The following CLCNKB variants were observed in gnomAD, a reference collection of about 807,000 sequenced individuals.
The protein encoded by CLCNKB is chloride voltage-gated channel Kb, also known as chloride channel protein ClC-Kb.
Under a neutral mutation model 83.8 loss-of-function variants are expected in CLCNKB, and 74 were observed. That is an observed-to-expected ratio of 0.88 (90% CI 0.73 to 1.07). The LOEUF is 1.07. CLCNKB is among the 50% of genes least tolerant of loss of function. The pLI is 0.00. For missense variants in CLCNKB, 798 were observed against 893.6 expected (o/e 0.89, Z 1.36); for synonymous variants, 358 against 356.6 (o/e 1.00, Z -0.04).
intron 15 of CLCNKB, among the ~76,000 whole-genome samples, chr1:16,052,758 C>A (rs1306564157): frequency 6.6e-6 from 1 of 152,168 alleles, no homozygotes; most frequent in Non-Finnish European, 1.5e-5. Flanking sequence ...CTCCCCTCTC[C>A]CCACTCCTGC....
Position 16,053,778 on chromosome 1 carries a change from C to G in CLCNKB, c.1756+6C>G. 6.2e-7 allele frequency: 1 copy of G among 1,613,744 alleles called. No homozygotes were observed. Among genetic ancestry groups the G allele is most frequent in the Non-Finnish European group, 8.5e-7 (1 of 1,179,944 alleles). ...TCCCCTGGTGGAGAGCACAGGTGCC[C>G]AGCCGGAAGGGAGGAGGAAGTCGGG... On this transcript the variant is annotated splice_donor_region_variant and intron_variant, in intron 16 of 19. Transcript: ENST00000375679.
At chr1:16,053,982 T>C (rs2023370880) in intron 16 of CLCNKB, among the ~76,000 whole-genome samples, 2 of 152,072 alleles carry the variant, frequency 1.3e-5, no homozygotes, top group Admixed American at 6.6e-5. Flanking sequence ...TTGACATGTC[T>C]AAAGAGAGTC....
intron 4 of CLCNKB, among the ~76,000 whole-genome samples, 153 bp downstream of exon 4, chr1:16,046,816 G>A (rs1342653713): frequency 1.3e-5 from 2 of 152,242 alleles, no homozygotes; most frequent in Non-Finnish European, 1.5e-5. Flanking sequence ...GCCAGATCTT[G>A]ACTTTTGGGT....
rs368191361 is a variant in CLCNKB at position 16,047,972 on chromosome 1, G to A, written c.426G>A (p.Lys142=). ...GVVLEDYLDI[K]NFGAKVVGLS... Reference sequence around the variant, plus strand: ...TCTTGGAGGACTACCTGGATATCAAGAACTTTGGGGCCAAAGTGGTGGGCC... The same window carrying A: ...TCTTGGAGGACTACCTGGATATCAAAAACTTTGGGGCCAAAGTGGTGGGCC... Residue 142 remains lysine, a synonymous_variant, in exon 5 of 20, where the codon AAG becomes AAA. Transcript: ENST00000375679. 159 of 1,614,028 alleles carry A rather than the reference G, an allele frequency of 9.9e-5. No individual in the cohort carries two copies. The highest frequency in any genetic ancestry group is 1.6e-4 in the Middle Eastern group (1 of 6,080).
intron 14 of CLCNKB, 125 bp from the exon 15 acceptor site, chr1:16,052,073 C>A: frequency 7.8e-7 from 1 of 1,280,864 alleles, no homozygotes; most frequent in Non-Finnish European, 1.1e-6. Flanking sequence ...GGGCACTTCC[C>A]ACAGTGCCCA....
rs1295011210 is a variant in CLCNKB, at chr1:16,044,508, G to A, written c.16G>A (p.Gly6Arg). The A allele has an allele frequency of 1.2e-6, 2 of 1,604,164 alleles. No homozygotes were observed. The highest frequency in any genetic ancestry group is 1.7e-6 in the Non-Finnish European group (2 of 1,176,242). ...CAGGGGCCTGATGGAGGAGTTTGTG[G>A]GGCTGCGTGAAGGCTCCTCAGGGAA... Reference protein sequence around the residue: MEEFVGLREGSSGNPV... With the variant: MEEFVRLREGSSGNPV... The change falls in exon 2 of 20, where the codon GGG becomes AGG. Residue 6 changes from glycine to arginine, a missense_variant. By Grantham distance (125) the Gly-to-Arg change is moderately radical. Coordinates refer to ENST00000375679, the MANE Select transcript of CLCNKB (RefSeq NM_000085.5).
Position 16,044,616 on chromosome 1 carries a change from T to C in CLCNKB, c.100+24T>C, listed in dbSNP as rs577234299. On this transcript the variant is annotated intron_variant, in intron 2 of 19. Transcript: ENST00000375679. ...AGGTGAGAGCCAGGTCCTCTTCCCT[T>C]CCCCCTGGAGGACCACTCAGGACAT... 31 of 1,557,090 alleles carry C rather than the reference T, an allele frequency of 2.0e-5. 2 individuals are homozygous for C. The South Asian group carries it at 2.9e-4, about 15-fold the overall frequency.
In CLCNKB at chr1:16,047,951, G is replaced by T; in HGVS notation, c.405G>T (p.Leu135Phe). Reference protein sequence around the residue: ...EVKTMLAGVVLEDYLDIKNFG... With the variant: ...EVKTMLAGVVFEDYLDIKNFG... ...AGACCATGTTGGCGGGTGTGGTCTT[G>T]GAGGACTACCTGGATATCAAGAACT... is the stretch of plus-strand genomic sequence containing the variant. Residue 135 changes from leucine to phenylalanine, a missense_variant, in exon 5 of 20, where the codon TTG becomes TTT. Transcript: ENST00000375679. 1 of 1,614,084 alleles carries T rather than the reference G, an allele frequency of 6.2e-7. No homozygotes were observed. Among genetic ancestry groups the T allele is most frequent in the Non-Finnish European group, 8.5e-7 (1 of 1,180,016 alleles).
At chr1:16,055,047 A>G (rs1443823230) in intron 16 of CLCNKB, among the ~76,000 whole-genome samples, 1 of 152,182 alleles carries the variant, frequency 6.6e-6, no homozygotes, top group Admixed American at 6.5e-5. Flanking sequence ...TCACACCTTC[A>G]CTGTGCTGCG....
At chr1:16,045,721 A>G in intron 3 of CLCNKB, 35 bp downstream of exon 3, 5 of 1,455,012 alleles carry the variant, frequency 3.4e-6, no homozygotes, top group Non-Finnish European at 4.6e-6. Context: ...CTCTGGGCCA[A>G]GGGATTCTGA....
At chr1:16,051,874 C>A (rs2023307426) in intron 14 of CLCNKB, 54 bp downstream of exon 14, 1 of 1,461,312 alleles carries the variant, frequency 6.8e-7, no homozygotes, top group Non-Finnish European at 9.6e-7. Flanking sequence ...TGGGCTGGAC[C>A]TGGAGAATTG....
chr1:16,044,690 C>G (rs2023046022), intron 2 of CLCNKB, 98 bp downstream of exon 2: 2 of 1,036,094 alleles, frequency 1.9e-6, no homozygotes, highest in South Asian at 2.8e-5. Flanking sequence ...AACCACCCTC[C>G]TCCTGGCATT....
intron 7 of CLCNKB, 138 bp downstream of exon 7, chr1:16,048,720 A>G (rs2023181427): frequency 6.7e-7 from 1 of 1,487,470 alleles, no homozygotes; most frequent in Admixed American, 2.3e-5. Context: ...CCTTGGGCAC[A>G]GCCACCGCCC....
At chr1:16,051,152 C>A in intron 12 of CLCNKB, 104 bp downstream of exon 12, 1 of 1,550,824 alleles carries the variant, frequency 6.4e-7, no homozygotes, top group Non-Finnish European at 8.8e-7. Context: ...GCCTTCCACC[C>A]ACATTTCCTG....
At chr1:16,048,886 G>A (rs1253888287) in intron 7 of CLCNKB, 5 of 1,445,028 alleles carry the variant, frequency 3.5e-6, no homozygotes, top group Non-Finnish European at 4.5e-6. Flanking sequence ...GATCGCAACC[G>A]TCCCCACCCG....
Position 16,055,429 on chromosome 1 carries a change from T to G in CLCNKB, c.1757-6T>G, listed in dbSNP as rs772829989. On this transcript the variant is annotated splice_region_variant and splice_polypyrimidine_tract_variant and intron_variant, in intron 16 of 19. Transcript: ENST00000375679. ...GCCTCCCTCTGGCTGTCTCTCCACT[T>G]GCCAGAGTCCCAGATCCTGGTGGGC... 1 of 1,612,606 alleles carries G rather than the reference T, an allele frequency of 6.2e-7. No individual in the cohort carries two copies. Among genetic ancestry groups the G allele is most frequent in the South Asian group, 1.1e-5 (1 of 91,028 alleles).
In CLCNKB at chr1:16,055,690, A is replaced by T. The variant is rs1018013892; in HGVS notation, c.1861A>T (p.Ile621Phe). 6 of 1,613,904 alleles carry T rather than the reference A, an allele frequency of 3.7e-6. No homozygotes were observed. Among genetic ancestry groups the T allele is most frequent in the Non-Finnish European group, 5.1e-6 (6 of 1,180,034 alleles). ...CCACCCCCAGCAGTGTCTCCAGGAC[A>T]TCTTGGCTGCAGGCTGCCCCACAGA... is the stretch of plus-strand genomic sequence containing the variant. ...APGHQQCLQD[I>F]LAAGCPTEPV... Residue 621 changes from isoleucine (I) to phenylalanine (F), a missense_variant, in exon 18 of 20, where the codon ATC becomes TTC. Transcript: ENST00000375679.
chr1:16,053,808 G>A lies in CLCNKB; in HGVS notation c.1756+36G>A, dbSNP rs556397749. The A allele has an allele frequency of 2.3e-5, 37 of 1,612,846 alleles. No homozygotes were observed. The East Asian group carries it at 7.8e-4, about 34-fold the overall frequency. On this transcript the variant is annotated intron_variant, in intron 16 of 19. Transcript: ENST00000375679. ...GGAAGGGAGGAGGAAGTCGGGGGTA[G>A]GGGATGCCCTCTGCCTCCTTCTTGA...
rs561426728 is a variant in CLCNKB, at chr1:16,056,493, C to T, written c.2001C>T (p.Cys667=). The change falls in exon 19 of 20, where the codon TGC becomes TGT. Residue 667 remains cysteine, a synonymous_variant. Coordinates refer to ENST00000375679, the MANE Select transcript of CLCNKB (RefSeq NM_000085.5). ...FVTSRGRAVG[C]VSWVEMKKAI... is the part of the protein sequence containing the mutation. ...CGTCGCGGGGCAGAGCTGTGGGCTG[C>T]GTGTCCTGGGTGGAGGTACCAGGGT... 5.7e-5 allele frequency: 87 copies of T among 1,535,232 alleles called. 1 individual carries two copies. The highest frequency in any genetic ancestry group is 4.3e-4 in the African/African-American group (31 of 71,794).
Sources: gnomAD v4.1 joint callset for allele counts (sites outside exome capture counted in the v4.1 genomes callset) on GRCh38, gnomAD v4.1.1 for gene constraint, MANE v1.5 for transcripts, NCBI Gene and HGNC (gene_info 2026-07-23, HGNC 2026-07-21) for gene names.